ZNF362: variants seen among roughly 807,000 people sequenced by gnomAD.
ZNF362 encodes the protein zinc finger protein 362.
Under a neutral mutation model 42.9 loss-of-function variants are expected in ZNF362, and 11 were observed. That is an observed-to-expected ratio of 0.26 (90% CI 0.16 to 0.42). ZNF362 has a LOEUF of 0.42. ZNF362 is among the 20% of genes least tolerant of loss of function. The pLI, the probability that ZNF362 is intolerant of heterozygous loss-of-function variation, is 1.00. For synonymous variants in ZNF362, 255 were observed against 257.3 expected, an observed-to-expected ratio of 0.99 and a Z score of 0.09; for missense variants, 362 against 576.2, an observed-to-expected ratio of 0.63 and a Z score of 3.81.
At chr1:33,127,619 C>T in the ZNF362 span, among the ~76,000 whole-genome samples, 4 of 152,230 alleles carry the variant, frequency 2.6e-5, no homozygotes, top group African/African-American at 9.6e-5. Context: ...ATTTGCGCAT[C>T]AGCTACTTTC....
At chr1:33,287,989 G>A (rs1285506426) in intron 6 of ZNF362, among the ~76,000 whole-genome samples, 5 of 152,204 alleles carry the variant, frequency 3.3e-5, no homozygotes, top group African/African-American at 1.2e-4. Flanking sequence ...AGAAATAAAA[G>A]TGATAATTCA....
the ZNF362 span, among the ~76,000 whole-genome samples, chr1:33,238,732 C>T: frequency 0.015 from 2,344 of 152,184 alleles, 66 homozygotes; most frequent in African/African-American, 0.053. Flanking sequence ...AGGGTGGGGT[C>T]CTAATCCGAT....
the ZNF362 span, among the ~76,000 whole-genome samples, chr1:33,189,304 G>A: frequency 6.6e-6 from 1 of 151,982 alleles, no homozygotes; most frequent in South Asian, 2.1e-4. Flanking sequence ...TCCAATGCAG[G>A]GATCACAACA....
chr1:33,143,265 A>G, the ZNF362 span: 1 of 152,214 alleles, frequency 6.6e-6, no homozygotes, highest in Non-Finnish European at 1.5e-5. Context: ...ACACGTGGAA[A>G]CTGTGAGTAA....
rs897792950 is a variant in ZNF362, at chr1:33,281,380, T to C, written c.684-207T>C. Among the ~76,000 whole-genome samples the C allele has an allele frequency of 6.6e-6, 1 of 152,116 alleles. No homozygotes were observed. Among genetic ancestry groups the C allele is most frequent in the African/African-American group, 2.4e-5 (1 of 41,426 alleles). On this transcript the variant is annotated intron_variant, in intron 5 of 8. Transcript: ENST00000539719. The surrounding 1 kb of genome is among the most constrained non-coding windows in gnomAD (Gnocchi z 4.8). ...AACCTATGCTCCAGGCTCTGTAATG[T>C]TCCCCCAGGCAAGAGCTTCCTCCTC... is the stretch of plus-strand genomic sequence containing the variant.
At chr1:33,140,623 C>T in the ZNF362 span, among the ~76,000 whole-genome samples, 2 of 152,224 alleles carry the variant, frequency 1.3e-5, no homozygotes, top group Non-Finnish European at 2.9e-5. The surrounding 1 kb of genome is among the most constrained non-coding windows in gnomAD (Gnocchi z 4.0). Flanking sequence ...CCCCCTTGGG[C>T]CATCAGTCCC....
At chr1:33,202,412 T>C in the ZNF362 span, among the ~76,000 whole-genome samples, 31 of 152,028 alleles carry the variant, frequency 2.0e-4, no homozygotes, top group East Asian at 4.5e-3. Context: ...CTGGCTAACA[T>C]GGTGAAACCC....
chr1:33,224,056 T>C, the ZNF362 span, among the ~76,000 whole-genome samples: 3 of 152,146 alleles, frequency 2.0e-5, no homozygotes, highest in Non-Finnish European at 4.4e-5. Flanking sequence ...TCTCTACATT[T>C]TTCATACACA....
At chr1:33,262,297 CTTTTTTTTTTTTTT>C (rs55730909) in intron 1 of ZNF362, among the ~76,000 whole-genome samples, 7 of 48,134 alleles carry the variant, frequency 1.5e-4, no homozygotes, top group Middle Eastern at 0.022. Context: ...CTTTAGGATT[CTTTTTTTTTTTTTT>C]TTTTTTTTTT....
the ZNF362 span, among the ~76,000 whole-genome samples, chr1:33,250,831 AG>A: frequency 1.4e-5 from 2 of 140,010 alleles, no homozygotes; most frequent in Non-Finnish European, 3.1e-5. Flanking sequence ...GAAGAAGAAA[AG>A]AAGAAGAAAG....
chr1:33,238,416 A>T, the ZNF362 span, among the ~76,000 whole-genome samples: 1 of 151,224 alleles, frequency 6.6e-6, no homozygotes, highest in African/African-American at 2.4e-5. Flanking sequence ...AAAAAAAGAG[A>T]TCTCTGCTTC....
At chr1:33,137,674 C>T in the ZNF362 span, among the ~76,000 whole-genome samples, 1 of 152,290 alleles carries the variant, frequency 6.6e-6, no homozygotes, top group Admixed American at 6.5e-5. Context: ...AGAGTATGGG[C>T]TTGGGCTGGG....
At chr1:33,211,019 T>G in the ZNF362 span, among the ~76,000 whole-genome samples, 1 of 151,924 alleles carries the variant, frequency 6.6e-6, no homozygotes, top group Non-Finnish European at 1.5e-5. Context: ...CTGCAAGCTC[T>G]GCCTCCTAGG....
chr1:33,246,350 A>G, the ZNF362 span, among the ~76,000 whole-genome samples: 1 of 152,090 alleles, frequency 6.6e-6, no homozygotes, highest in Non-Finnish European at 1.5e-5. Flanking sequence ...GTGTCTCTCG[A>G]GGAAAGACCA....
the ZNF362 span, chr1:33,158,146 ACTCTG>A: frequency 1.7e-5 from 17 of 977,302 alleles, no homozygotes; most frequent in Admixed American, 3.1e-4. Context: ...TCAGCAAGGC[ACTCTG>A]CTCATTCACC....
At chr1:33,189,423 A>C in the ZNF362 span, among the ~76,000 whole-genome samples, 1 of 151,592 alleles carries the variant, frequency 6.6e-6, no homozygotes, top group African/African-American at 2.4e-5. Flanking sequence ...TGTTGCACAT[A>C]CTCGACTATA....
intron 6 of ZNF362, among the ~76,000 whole-genome samples, chr1:33,288,783 CA>C (rs1215650561): frequency 7.3e-6 from 1 of 137,630 alleles, no homozygotes; most frequent in Non-Finnish European, 1.6e-5. Flanking sequence ...CACCTAGAGT[CA>C]GGGGTGGACT....
the ZNF362 span, among the ~76,000 whole-genome samples, chr1:33,170,569 T>G: frequency 6.6e-6 from 1 of 152,010 alleles, no homozygotes; most frequent in Admixed American, 6.6e-5. Flanking sequence ...AGAGTTCACC[T>G]CGAAAGGGTG....
At chr1:33,182,938 T>C in the ZNF362 span, among the ~76,000 whole-genome samples, 2 of 152,116 alleles carry the variant, frequency 1.3e-5, no homozygotes, top group African/African-American at 2.4e-5. Context: ...CAGGAAGTCT[T>C]GGAGATAATC....
Sources: gnomAD v4.1 joint callset for allele counts (sites outside exome capture counted in the v4.1 genomes callset) on GRCh38, gnomAD v4.1.1 for gene constraint, Gnocchi (gnomAD v3.1) non-coding constraint, MANE v1.5 for transcripts, NCBI Gene and HGNC (gene_info 2026-07-23, HGNC 2026-07-21) for gene names.